FEM1C: variants seen among roughly 807,000 people sequenced by gnomAD.
FEM1C encodes fem-1 homolog C, also known as protein fem-1 homolog C.
Under a neutral mutation model 37.6 loss-of-function variants are expected in FEM1C, and 15 were observed. The observed-to-expected ratio is 0.40, with a 90% CI of 0.27 to 0.61. The LOEUF is 0.61. Ranked by LOEUF, FEM1C falls within the 20% of genes least tolerant of loss-of-function variation. FEM1C has a pLI of 0.42. For synonymous variants in FEM1C, 287 were observed against 272.8 expected (o/e 1.05, Z -0.51); for missense variants, 532 against 749.7 (o/e 0.71, Z 3.39).
chr5:115,525,677 T>C lies in FEM1C; in HGVS notation c.545-60A>G, dbSNP rs113763944. ...ATTGAGGGACCAAAATATAATGTAA[T>C]ATATATATGCACTTTAGAACCTAAA... On this transcript the variant is annotated intron_variant, in intron 2 of 2. Coordinates refer to ENST00000274457, the MANE Select transcript of FEM1C (RefSeq NM_020177.3). 2.3e-3 allele frequency: 2,890 copies of C among 1,275,548 alleles called. 39 individuals carry two copies. In the African/African-American group the frequency reaches 0.034, roughly 15 times the overall value. The allele number at this position is 1,275,548 out of a possible 1,614,324, so 79.0% of individuals were successfully genotyped here.
rs1753825886 is a variant in FEM1C at position 115,523,905 on chromosome 5, A to G, written c.*403T>C. 5.5e-6 allele frequency: 1 copy of G among 181,932 alleles called. No homozygotes were observed. The highest frequency in any genetic ancestry group is 2.4e-5 in the African/African-American group (1 of 41,536). The allele number at this position is 181,932 out of a possible 1,614,324, so 11.3% of individuals were successfully genotyped here. A position where few individuals can be genotyped will look rare whatever the true frequency, so the allele number is the denominator to read the frequency against. On this transcript the variant is annotated 3_prime_UTR_variant, in exon 3 of 3. Coordinates refer to ENST00000274457, the MANE Select transcript of FEM1C (RefSeq NM_020177.3). ...TTAGGACAAACAATAAAGTAGAAAC[A>G]GGGGGGAAACTTGAGAAGAGAAGAA...
intron 2 of FEM1C, 131 bp downstream of exon 2, chr5:115,542,819 T>C (rs927874862): frequency 5.8e-6 from 6 of 1,041,504 alleles, no homozygotes; most frequent in African/African-American, 3.2e-5. Context: ...AACAAAGTCA[T>C]ACTGGAAGAC....
chr5:115,536,026 G>T (rs1172284280), intron 2 of FEM1C, among the ~76,000 whole-genome samples: 1 of 151,916 alleles, frequency 6.6e-6, no homozygotes, highest in Non-Finnish European at 1.5e-5. Flanking sequence ...ACTTAAGACA[G>T]AAAAGAGATT....
intron 2 of FEM1C, among the ~76,000 whole-genome samples, chr5:115,539,330 C>A (rs1259001136): frequency 6.6e-6 from 1 of 151,922 alleles, no homozygotes; most frequent in African/African-American, 2.4e-5. Context: ...TAAGTCCAAA[C>A]AAAAACAACC....
intron 2 of FEM1C, among the ~76,000 whole-genome samples, chr5:115,527,695 A>G (rs536474939): frequency 1.6e-4 from 24 of 152,218 alleles, no homozygotes; most frequent in Non-Finnish European, 3.2e-4. Flanking sequence ...GTAGCACAAA[A>G]TCAAGAATAA....
intron 2 of FEM1C, among the ~76,000 whole-genome samples, chr5:115,538,005 C>G (rs941786755): frequency 2.0e-5 from 3 of 151,938 alleles, no homozygotes; most frequent in African/African-American, 4.8e-5. Flanking sequence ...ATTTCCTTGA[C>G]TAAAATACAT....
intron 1 of FEM1C, chr5:115,543,968 TGTTCTAG>T: frequency 2.7e-5 from 27 of 985,444 alleles, no homozygotes; most frequent in Non-Finnish European, 3.1e-5. Context: ...AGCCAAGCTT[TGTTCTAG>T]TTTTGCTTTG....
chr5:115,541,172 A>T (rs1347804359), intron 2 of FEM1C, among the ~76,000 whole-genome samples: 1 of 152,130 alleles, frequency 6.6e-6, no homozygotes, highest in Non-Finnish European at 1.5e-5. Context: ...GAAATTAAAG[A>T]GCTATAATTG....
At chr5:115,539,022 G>C (rs1754186837) in intron 2 of FEM1C, among the ~76,000 whole-genome samples, 1 of 152,026 alleles carries the variant, frequency 6.6e-6, no homozygotes. Flanking sequence ...TCCTTCAGAA[G>C]TTAAAAATGT....
Position 115,524,898 on chromosome 5 carries a change from T to C in FEM1C, c.1264A>G (p.Ile422Val). The C allele has an allele frequency of 6.2e-7, 1 of 1,613,794 alleles. No homozygotes were observed. Among genetic ancestry groups the C allele is most frequent in the Non-Finnish European group, 8.5e-7 (1 of 1,179,826 alleles). The change falls in exon 3 of 3, where the codon ATA becomes GTA. Residue 422 changes from isoleucine (I) to valine (V), a missense_variant. Coordinates refer to ENST00000274457, the MANE Select transcript of FEM1C (RefSeq NM_020177.3). Reference sequence around the variant, plus strand: ...TGAGTTTGTTTGATAGCTCGCTCTATTTCAAGGACGCTTTTGCAAAGTATG... The same window carrying C: ...TGAGTTTGTTTGATAGCTCGCTCTACTTCAAGGACGCTTTTGCAAAGTATG... ...MGILCKSVLE[I>V]ERAIKQTQCP...
At chr5:115,539,358 G>A (rs1304566211) in intron 2 of FEM1C, among the ~76,000 whole-genome samples, 1 of 151,956 alleles carries the variant, frequency 6.6e-6, no homozygotes, top group African/African-American at 2.4e-5. Flanking sequence ...ACAAACAAAA[G>A]AACCAAAGGA....
At chr5:115,533,531 T>C (rs1273181758) in intron 2 of FEM1C, among the ~76,000 whole-genome samples, 1 of 152,020 alleles carries the variant, frequency 6.6e-6, no homozygotes, top group Non-Finnish European at 1.5e-5. Context: ...CATATTTTCT[T>C]TTTTGCTAGT....
At chr5:115,544,020 G>A (rs1438709742) in intron 1 of FEM1C, 2 of 985,302 alleles carry the variant, frequency 2.0e-6, no homozygotes, top group East Asian at 2.3e-4. Flanking sequence ...GAAAGAGGCA[G>A]GAGACTCGGG....
At chr5:115,534,202 T>C (rs1754073784) in intron 2 of FEM1C, among the ~76,000 whole-genome samples, 1 of 151,978 alleles carries the variant, frequency 6.6e-6, no homozygotes, top group Non-Finnish European at 1.5e-5. Context: ...GAAACTATGG[T>C]AAGTGCTCGT....
At chr5:115,528,190 C>T (rs1170415403) in intron 2 of FEM1C, among the ~76,000 whole-genome samples, 1 of 151,934 alleles carries the variant, frequency 6.6e-6, no homozygotes, top group East Asian at 1.9e-4. Flanking sequence ...GTAACATGAT[C>T]ACCCTCCCAC....
chr5:115,533,174 T>G (rs1754053205), intron 2 of FEM1C, among the ~76,000 whole-genome samples: 2 of 152,080 alleles, frequency 1.3e-5, no homozygotes, highest in South Asian at 4.1e-4. Flanking sequence ...CTTTATAGTA[T>G]TCTTTCTACT....
chr5:115,524,315 T>G lies in FEM1C; in HGVS notation c.1847A>C (p.His616Pro). The G allele has an allele frequency of 6.2e-7, 1 of 1,612,868 alleles. No individual in the cohort carries two copies. The highest frequency in any genetic ancestry group is 8.5e-7 in the Non-Finnish European group (1 of 1,179,218). The change falls in exon 3 of 3, where the codon CAT becomes CCT. Residue 616 changes from histidine to proline, a missense_variant. By Grantham distance (77) the His-to-Pro change is moderately conservative. Coordinates refer to ENST00000274457, the MANE Select transcript of FEM1C (RefSeq NM_020177.3). ...PEKLETFVSL[H>P]R ...TAAAATACAGTCAAGTTATCATCTA[T>G]GAAGGGAAACAAAAGTCTCTAGCTT... is the stretch of plus-strand genomic sequence containing the variant.
chr5:115,536,445 G>C (rs1160977177), intron 2 of FEM1C, among the ~76,000 whole-genome samples: 1 of 151,818 alleles, frequency 6.6e-6, no homozygotes, highest in East Asian at 1.9e-4. Context: ...GCTGAGTACA[G>C]AGGTGGTCCA....
At chr5:115,534,647 T>C (rs1248141352) in intron 2 of FEM1C, among the ~76,000 whole-genome samples, 1 of 151,966 alleles carries the variant, frequency 6.6e-6, no homozygotes, top group Non-Finnish European at 1.5e-5. Flanking sequence ...AAAACAAAAA[T>C]GTCCTCCTAA....
Sources: allele counts gnomAD v4.1 joint callset (sites outside exome capture counted in the v4.1 genomes callset), GRCh38; gene constraint gnomAD v4.1.1; transcripts MANE v1.5; gene names NCBI Gene and HGNC (gene_info 2026-07-23, HGNC 2026-07-21).